Variants in OSTM1 observed in about 807,000 individuals in gnomAD.
OSTM1 encodes the protein osteopetrosis-associated transmembrane protein 1.
Under a neutral mutation model 35.4 loss-of-function variants are expected in OSTM1, and 26 were observed. The observed-to-expected ratio is 0.73, with a 90% CI of 0.54 to 1.02. OSTM1 has a LOEUF of 1.02. Among genes scored for constraint, OSTM1 ranks in the 50% least tolerant of loss-of-function variants. The pLI is 0.00. For missense variants in OSTM1, 366 were observed against 409.6 expected, an observed-to-expected ratio of 0.89 and a Z score of 0.92; for synonymous variants, 181 against 165.0, an observed-to-expected ratio of 1.10 and a Z score of -0.75.
chr6:108,064,454 ATAAAG>A (rs71722551), intron 1 of OSTM1, among the ~76,000 whole-genome samples, 155 bp from the exon 2 acceptor site: 6,182 of 152,342 alleles, frequency 0.041, 430 homozygotes, highest in Admixed American at 0.19. Context: ...AACAATGATA[ATAAAG>A]TAATTAGCAG....
At position 108,042,748 on chromosome 6, in the gene OSTM1, C is replaced by T. The variant is rs994478263; in HGVS notation, c.*2037G>A. Reference sequence around the variant, plus strand: ...TAAAAGTAGGCATCTAAACTCAATACCTGAAAAACAAATGTGATGTTAAAT... The same window carrying T: ...TAAAAGTAGGCATCTAAACTCAATATCTGAAAAACAAATGTGATGTTAAAT... On this transcript the variant is annotated 3_prime_UTR_variant, in exon 6 of 6. Transcript: ENST00000193322. The T allele has an allele frequency of 2.6e-5, 4 of 152,040 alleles. No individual in the cohort carries two copies. Among genetic ancestry groups the T allele is most frequent in the African/African-American group, 7.2e-5 (3 of 41,458 alleles). 9.4% of individuals were successfully genotyped at this position (152,040 alleles called of 1,614,324 possible).
At position 108,074,520 on chromosome 6, in the gene OSTM1, G is replaced by T; in HGVS notation, c.132C>A (p.His44Gln). The change falls in exon 1 of 6, where the codon CAC becomes CAA. Residue 44 changes from histidine to glutamine, a missense_variant. Transcript: ENST00000193322. ...GCAACTGCTGCTCCGACAGGAGGTC[G>T]TGGAAGACCCTGTGCGGACTGCTGC... is the stretch of plus-strand genomic sequence containing the variant. The part of the protein sequence containing the change: ...PFGSSPHRVF[H>Q]DLLSEQQLLE... The T allele has an allele frequency of 6.4e-7, 1 of 1,558,470 alleles. No homozygotes were observed. Among genetic ancestry groups the T allele is most frequent in the South Asian group, 1.2e-5 (1 of 84,882 alleles).
chr6:108,045,243 C>T (rs1771947069), intron 5 of OSTM1, among the ~76,000 whole-genome samples: 1 of 151,856 alleles, frequency 6.6e-6, no homozygotes, highest in African/African-American at 2.4e-5. Context: ...TGAAAACTTC[C>T]CCAACCTGAT....
intron 1 of OSTM1, among the ~76,000 whole-genome samples, chr6:108,069,490 G>A (rs188471666): frequency 6.6e-6 from 1 of 152,132 alleles, no homozygotes; most frequent in Non-Finnish European, 1.5e-5. Context: ...GATAGATAGA[G>A]ATAGATAGGT....
intron 2 of OSTM1, among the ~76,000 whole-genome samples, chr6:108,055,747 T>A (rs1772160407): frequency 6.6e-6 from 1 of 152,196 alleles, no homozygotes; most frequent in South Asian, 2.1e-4. Context: ...TCTAAAATGA[T>A]AATGAAGGGA....
In OSTM1 at chr6:108,041,990, G is replaced by A. The variant is rs1771874814; in HGVS notation, c.*2795C>T. ...TGGTGATGTCTATTACTTATTTGAT[G>A]TCATGTCTTTGGCCAGGAATGCAAT... On this transcript the variant is annotated 3_prime_UTR_variant, in exon 6 of 6. Coordinates refer to ENST00000193322, the MANE Select transcript of OSTM1 (RefSeq NM_014028.4). 6.6e-6 allele frequency: 1 copy of A among 152,024 alleles called. No homozygotes were observed. The highest frequency in any genetic ancestry group is 2.4e-5 in the African/African-American group (1 of 41,392). The allele number at this position is 152,024 out of a possible 1,614,324, so 9.4% of individuals were successfully genotyped here. A position where few individuals can be genotyped will look rare whatever the true frequency, so the allele number is the denominator to read the frequency against.
intron 4 of OSTM1, 83 bp from the exon 5 acceptor site, chr6:108,049,501 C>G: frequency 1.3e-6 from 2 of 1,583,312 alleles, no homozygotes; most frequent in Admixed American, 3.4e-5. Flanking sequence ...AATAACTAAA[C>G]AGGAATCTAG....
chr6:108,047,751 G>T (rs769670773), intron 5 of OSTM1, among the ~76,000 whole-genome samples: 2 of 152,144 alleles, frequency 1.3e-5, no homozygotes, highest in Non-Finnish European at 2.9e-5. Context: ...ATAAAAGAAA[G>T]AAAATAATTA....
Position 108,044,742 on chromosome 6 carries a change from AC to A in OSTM1, c.*42del. On this transcript the variant is annotated 3_prime_UTR_variant, in exon 6 of 6. Coordinates refer to ENST00000193322, the MANE Select transcript of OSTM1 (RefSeq NM_014028.4). Reference sequence around the variant, plus strand: ...TTTCTGAAACCAAGTTGTGTCTTCCACCATTCATTCACGTGATATGTCAATT... The same window carrying A: ...TTTCTGAAACCAAGTTGTGTCTTCCACATTCATTCACGTGATATGTCAATT... The A allele has an allele frequency of 9.0e-7, 1 of 1,116,612 alleles. No individual in the cohort carries two copies. The highest frequency in any genetic ancestry group is 1.4e-6 in the Non-Finnish European group (1 of 737,184). The allele number at this position is 1,116,612 out of a possible 1,614,324, so 69.2% of individuals were successfully genotyped here.
chr6:108,067,795 A>T (rs1582398175), intron 1 of OSTM1, among the ~76,000 whole-genome samples: 3 of 142,736 alleles, frequency 2.1e-5, no homozygotes, highest in South Asian at 4.4e-4. Context: ...TGTGCCATGC[A>T]CTCCAGCTTG....
intron 1 of OSTM1, among the ~76,000 whole-genome samples, chr6:108,067,543 GA>G (rs1449544375): frequency 6.6e-6 from 1 of 150,850 alleles, no homozygotes; most frequent in Non-Finnish European, 1.5e-5. Flanking sequence ...AGAAATGATA[GA>G]AAGTCAGCCT....
Position 108,044,780 on chromosome 6 carries a change from A to T in OSTM1, c.*5T>A. 6.5e-7 allele frequency: 1 copy of T among 1,534,130 alleles called. No individual in the cohort carries two copies. Among genetic ancestry groups the T allele is most frequent in the Non-Finnish European group, 9.0e-7 (1 of 1,111,620 alleles). On this transcript the variant is annotated 3_prime_UTR_variant, in exon 6 of 6. Coordinates refer to ENST00000193322, the MANE Select transcript of OSTM1 (RefSeq NM_014028.4). ...GTGATATGTCAATTCTCCATTTTGTAGGTCTCAGTTTGAATTTTCCTGAAT... is the reference window on the plus strand; with the variant it reads ...GTGATATGTCAATTCTCCATTTTGTTGGTCTCAGTTTGAATTTTCCTGAAT...
At chr6:108,066,335 G>C (rs1177701873) in intron 1 of OSTM1, among the ~76,000 whole-genome samples, 6 of 152,044 alleles carry the variant, frequency 3.9e-5, no homozygotes, top group Non-Finnish European at 8.8e-5. Context: ...TCCAAACGAT[G>C]ATGAGGTACT....
chr6:108,054,548 G>T lies in OSTM1; in HGVS notation c.557C>A (p.Thr186Lys). The T allele has an allele frequency of 6.3e-7, 1 of 1,577,580 alleles. No homozygotes were observed. The highest frequency in any genetic ancestry group is 8.7e-7 in the Non-Finnish European group (1 of 1,149,144). Residue 186 changes from threonine to lysine, a missense_variant, in exon 3 of 6, where the codon ACA becomes AAA. Around this residue, in one of 3 missense-constraint regions of OSTM1, gnomAD observed 236 missense variants for 239.3 expected, o/e 0.99. Coordinates refer to ENST00000193322, the MANE Select transcript of OSTM1 (RefSeq NM_014028.4). ...ATTAAATAGATTAAGGAAATATACT[G>T]TGCTGTTTGATAATTCTTCACTGTT... ...TNNSEELSNS[T>K]VYFLNLFNHT...
Position 108,044,784 on chromosome 6 carries a change from C to T in OSTM1, c.*1G>A, listed in dbSNP as rs761425710. The T allele has an allele frequency of 4.5e-6, 7 of 1,553,402 alleles. No individual in the cohort carries two copies. The South Asian group carries it at 8.0e-5, about 18-fold the overall frequency. On this transcript the variant is annotated 3_prime_UTR_variant, in exon 6 of 6. Transcript: ENST00000193322. The stretch of plus-strand genomic sequence containing the variant: ...TATGTCAATTCTCCATTTTGTAGGT[C>T]TCAGTTTGAATTTTCCTGAATATTT...
intron 1 of OSTM1, among the ~76,000 whole-genome samples, chr6:108,064,936 T>C (rs1379015625): frequency 6.6e-6 from 1 of 152,186 alleles, no homozygotes; most frequent in Non-Finnish European, 1.5e-5. Flanking sequence ...AGGAAGAATT[T>C]CTGCTTTAAA....
At chr6:108,052,071 C>G (rs1480488501) in intron 3 of OSTM1, among the ~76,000 whole-genome samples, 1 of 152,158 alleles carries the variant, frequency 6.6e-6, no homozygotes, top group Non-Finnish European at 1.5e-5. Flanking sequence ...AAAACTAAGT[C>G]TCTCCTTAGT....
At chr6:108,045,389 C>T (rs1479927853) in intron 5 of OSTM1, among the ~76,000 whole-genome samples, 1 of 150,120 alleles carries the variant, frequency 6.7e-6, no homozygotes, top group Non-Finnish European at 1.5e-5. Flanking sequence ...TTATCACCAG[C>T]GCAACAAGGC....
intron 2 of OSTM1, among the ~76,000 whole-genome samples, chr6:108,057,865 G>A (rs1026047586): frequency 7.2e-5 from 11 of 152,018 alleles, no homozygotes; most frequent in African/African-American, 2.4e-4. Flanking sequence ...GTGAGAAGCT[G>A]TATGTTTTAG....
Sources: gnomAD v4.1 joint callset for allele counts (sites outside exome capture counted in the v4.1 genomes callset) on GRCh38, gnomAD v4.1.1 for gene constraint, gnomAD v4.1.1 regional missense constraint, MANE v1.5 for transcripts, NCBI Gene and HGNC (gene_info 2026-07-23, HGNC 2026-07-21) for gene names.